STUM: variants seen among roughly 807,000 people sequenced by gnomAD.
STUM encodes the protein stum, mechanosensory transduction mediator homolog.
STUM carries 8 observed loss-of-function variants against 15.3 expected under a neutral mutation model. The observed-to-expected ratio is 0.52, with a 90% CI of 0.31 to 0.94. The LOEUF (loss-of-function observed/expected upper bound fraction) is 0.94. Among genes scored for constraint, STUM ranks in the 40% least tolerant of loss-of-function variants. The pLI, the probability that STUM is intolerant of heterozygous loss-of-function variation, is 0.05. For missense variants in STUM, 142 were observed against 204.9 expected, an observed-to-expected ratio of 0.69 and a Z score of 1.87; for synonymous variants, 78 against 88.7, an observed-to-expected ratio of 0.88 and a Z score of 0.68.
chr1:226,573,750 A>G (rs1667758503), intron 1 of STUM, among the ~76,000 whole-genome samples: 1 of 152,168 alleles, frequency 6.6e-6, no homozygotes, highest in South Asian at 2.1e-4. Context: ...GAACATATCC[A>G]TCTCCTCACA....
Position 226,565,144 on chromosome 1 carries a change from G to C in STUM, c.202+16038G>C, listed in dbSNP as rs1388050962. ...GGTTTCCCATTCCCTCCAACTTCCTGTCTATGACCACGAATTCCATTCTAC... is the reference window on the plus strand; with the variant it reads ...GGTTTCCCATTCCCTCCAACTTCCTCTCTATGACCACGAATTCCATTCTAC... On this transcript the variant is annotated intron_variant, in intron 1 of 3. Coordinates refer to ENST00000366788, the MANE Select transcript of STUM (RefSeq NM_001003665.4). This position sits in a 1 kb window ranked among gnomAD's most constrained non-coding sequence, Gnocchi z 4.4. 2.0e-5 allele frequency among the ~76,000 whole-genome samples: 3 copies of C among 152,148 alleles called. No homozygotes were observed. The highest frequency in any genetic ancestry group is 6.5e-5 in the Admixed American group (1 of 15,276).
chr1:226,594,232 G>A (rs1290486333), intron 1 of STUM, among the ~76,000 whole-genome samples: 2 of 152,114 alleles, frequency 1.3e-5, no homozygotes, highest in Non-Finnish European at 2.9e-5. Flanking sequence ...GGCAGGGAAG[G>A]GCCAGAAACC....
At chr1:226,571,038 C>T (rs1257656845) in intron 1 of STUM, among the ~76,000 whole-genome samples, 1 of 152,058 alleles carries the variant, frequency 6.6e-6, no homozygotes, top group African/African-American at 2.4e-5. Context: ...TGAGACCAGC[C>T]TGGTCAAAAT....
At chr1:226,601,908 C>A (rs765153524) in intron 3 of STUM, 98 bp from the exon 4 acceptor site, 2 of 982,562 alleles carry the variant, frequency 2.0e-6, no homozygotes, top group Admixed American at 1.9e-5. Flanking sequence ...TTAGTATAAA[C>A]AATGCCTCCT....
rs554636091 is a variant in STUM, at chr1:226,552,917, G to C, written c.202+3811G>C. 4.3e-4 allele frequency among the ~76,000 whole-genome samples: 65 copies of C among 152,304 alleles called. 1 individual carries two copies. In the Middle Eastern group the frequency reaches 0.017, roughly 40 times the overall value. ...AACTATTTTAAATGTCTTCTTGAAA[G>C]AGCATGTTATCCACAAATACATATA... is the stretch of plus-strand genomic sequence containing the variant. On this transcript the variant is annotated intron_variant, in intron 1 of 3. Transcript: ENST00000366788. This position sits in a 1 kb window ranked among gnomAD's most constrained non-coding sequence, Gnocchi z 4.7.
intron 1 of STUM, among the ~76,000 whole-genome samples, chr1:226,577,336 A>G (rs1667833408): frequency 6.6e-6 from 1 of 151,480 alleles, no homozygotes; most frequent in Non-Finnish European, 1.5e-5. Flanking sequence ...AGCAAAAAGC[A>G]AAGCAAACCC....
intron 1 of STUM, among the ~76,000 whole-genome samples, chr1:226,575,433 TC>T (rs1356516385): frequency 1.3e-5 from 2 of 152,150 alleles, no homozygotes; most frequent in Admixed American, 6.5e-5. Flanking sequence ...TGCCCTCCAA[TC>T]CCTGCCGGCA....
At chr1:226,554,405 T>G (rs1667416793) in intron 1 of STUM, among the ~76,000 whole-genome samples, 1 of 151,722 alleles carries the variant, frequency 6.6e-6, no homozygotes, top group South Asian at 2.1e-4. Context: ...AAAACGGGAG[T>G]CAAGAGATGC....
intron 1 of STUM, among the ~76,000 whole-genome samples, chr1:226,574,219 G>A (rs79809754): frequency 0.034 from 5,150 of 152,246 alleles, 98 homozygotes; most frequent in South Asian, 0.062. Flanking sequence ...GCAACTTTGT[G>A]CCCTTTGACC....
chr1:226,582,157 C>CA (rs1667928371), intron 1 of STUM, among the ~76,000 whole-genome samples: 2 of 152,256 alleles, frequency 1.3e-5, no homozygotes, highest in African/African-American at 2.4e-5. Flanking sequence ...GCTGCTGCTG[C>CA]TGTGCCGGCC....
At chr1:226,576,547 G>A in intron 1 of STUM, among the ~76,000 whole-genome samples, 1 of 152,158 alleles carries the variant, frequency 6.6e-6, no homozygotes, top group East Asian at 1.9e-4. Flanking sequence ...ACACCCAAAA[G>A]GCATTTTTTT....
At chr1:226,568,261 G>C (rs1012619043) in intron 1 of STUM, among the ~76,000 whole-genome samples, 26 of 152,228 alleles carry the variant, frequency 1.7e-4, no homozygotes, top group African/African-American at 5.8e-4. Context: ...TTCTAGAGTA[G>C]TGAGGTTTCG....
In STUM at chr1:226,601,874, C is replaced by T. The variant is rs185735319; in HGVS notation, c.392-132C>T. ...CAAAGCCCTTGGGAAAAGTTGTGCT[C>T]TGATGGTAGCAGTCATTTACACCTT... is the stretch of plus-strand genomic sequence containing the variant. On this transcript the variant is annotated intron_variant, in intron 3 of 3. Transcript: ENST00000366788. 1,392 of 726,966 alleles carry T rather than the reference C, an allele frequency of 1.9e-3. 16 individuals are homozygous for T. The African/African-American group carries it at 0.021, about 11-fold the overall frequency. The allele number at this position is 726,966 out of a possible 1,614,324, so 45.0% of individuals were successfully genotyped here. A position where few individuals can be genotyped will look rare whatever the true frequency, so the allele number is the denominator to read the frequency against.
intron 1 of STUM, among the ~76,000 whole-genome samples, chr1:226,574,950 C>T (rs987978745): frequency 3.9e-5 from 6 of 152,188 alleles, no homozygotes; most frequent in South Asian, 2.1e-4. Flanking sequence ...AGGTGTGGAC[C>T]GCGGTCAGTT....
At chr1:226,550,328 G>A (rs1156243371) in intron 1 of STUM, among the ~76,000 whole-genome samples, 1 of 152,204 alleles carries the variant, frequency 6.6e-6, no homozygotes, top group African/African-American at 2.4e-5. Context: ...ACCCTAAGGG[G>A]CTGCTGCGGC....
intron 1 of STUM, among the ~76,000 whole-genome samples, chr1:226,571,762 C>T (rs994816243): frequency 1.3e-5 from 2 of 152,100 alleles, no homozygotes; most frequent in African/African-American, 4.8e-5. Flanking sequence ...GCCTCAGCCT[C>T]GTGAGTAGCT....
At chr1:226,590,797 T>C (rs1403887053) in intron 1 of STUM, among the ~76,000 whole-genome samples, 1 of 152,242 alleles carries the variant, frequency 6.6e-6, no homozygotes, top group Non-Finnish European at 1.5e-5. Context: ...TGTCTGCAGA[T>C]GCTTTTCCCC....
intron 1 of STUM, among the ~76,000 whole-genome samples, chr1:226,595,819 A>G (rs1303404317): frequency 6.6e-6 from 1 of 152,204 alleles, no homozygotes; most frequent in Non-Finnish European, 1.5e-5. Context: ...TGGAAAAGGC[A>G]AGGAAGTAGA....
chr1:226,575,511 G>A (rs992103030), intron 1 of STUM, among the ~76,000 whole-genome samples: 2 of 152,340 alleles, frequency 1.3e-5, no homozygotes, highest in African/African-American at 2.4e-5. Flanking sequence ...ACTGGGCCGC[G>A]AGGCCTGGCT....
Sources: allele counts gnomAD v4.1 joint callset (sites outside exome capture counted in the v4.1 genomes callset), GRCh38; gene constraint gnomAD v4.1.1; non-coding constraint Gnocchi (gnomAD v3.1); transcripts MANE v1.5; gene names NCBI Gene and HGNC (gene_info 2026-07-23, HGNC 2026-07-21).